The following CELF2 variants were observed in gnomAD, a reference collection of about 807,000 sequenced individuals.
CELF2 encodes the protein CUG triplet repeat RNA-binding protein 2.
In CELF2, 8 loss-of-function variants were observed where a neutral mutation model predicts 62.6. The observed-to-expected ratio is 0.13, with a 90% CI of 0.07 to 0.23. The LOEUF is 0.23. Among genes scored for constraint, CELF2 ranks in the 10% least tolerant of loss-of-function variants. The probability of loss-of-function intolerance (pLI) is 1.00; values close to 1 mark genes in which losing one functional copy is unlikely to be tolerated. For synonymous variants in CELF2, 258 were observed against 250.0 expected (o/e 1.03, Z -0.30); for missense variants, 333 against 671.0 (o/e 0.50, Z 5.56).
At chr10:11,313,134 G>A (rs547894405) in intron 9 of CELF2, among the ~76,000 whole-genome samples, 4 of 152,182 alleles carry the variant, frequency 2.6e-5, no homozygotes, top group East Asian at 3.9e-4. Flanking sequence ...CAAAACAGCC[G>A]GCTTTCTTAC....
At chr10:10,783,348 G>A in the CELF2 span, among the ~76,000 whole-genome samples, 1 of 152,166 alleles carries the variant, frequency 6.6e-6, no homozygotes, top group African/African-American at 2.4e-5. Flanking sequence ...GGAAGATACA[G>A]AGGGAAAGTA....
chr10:10,907,066 T>C (rs781673893), intron 1 of CELF2, among the ~76,000 whole-genome samples: 11 of 152,080 alleles, frequency 7.2e-5, no homozygotes, highest in Non-Finnish European at 1.3e-4. Context: ...GAAAACATAC[T>C]CTACAAATAT....
intron 2 of CELF2, among the ~76,000 whole-genome samples, chr10:11,173,173 T>C (rs914266079): frequency 1.3e-5 from 2 of 152,194 alleles, no homozygotes; most frequent in African/African-American, 4.8e-5. Context: ...CACCCAGTTG[T>C]ACCACTCTGG....
the CELF2 span, among the ~76,000 whole-genome samples, chr10:10,693,371 T>C: frequency 7.2e-6 from 1 of 138,348 alleles, no homozygotes; most frequent in African/African-American, 2.7e-5. Flanking sequence ...CACTTGATCA[T>C]GGTGGATAAG....
In CELF2 at chr10:10,995,305, A is replaced by G. The variant is rs1431920498; in HGVS notation, c.89+75306A>G. ...TGGGACCATATTATGACATCTTTGTATCTCCTTTTCTCCTGAGATGATGTC... is the reference window on the plus strand; with the variant it reads ...TGGGACCATATTATGACATCTTTGTGTCTCCTTTTCTCCTGAGATGATGTC... On this transcript the variant is annotated intron_variant, in intron 2 of 13. Coordinates refer to the CELF2 transcript ENST00000636488. The surrounding 1 kb of genome is among the most constrained non-coding windows in gnomAD (Gnocchi z 4.7). Among the ~76,000 whole-genome samples, 1 of 152,074 alleles carries G rather than the reference A, an allele frequency of 6.6e-6. No homozygotes were observed. The highest frequency in any genetic ancestry group is 6.6e-5 in the Admixed American group (1 of 15,262).
chr10:10,895,752 A>G (rs2062503853), intron 1 of CELF2, among the ~76,000 whole-genome samples: 1 of 152,212 alleles, frequency 6.6e-6, no homozygotes, highest in Non-Finnish European at 1.5e-5. Context: ...ATACATTTTT[A>G]ACATATATTA....
At chr10:10,705,680 A>G in the CELF2 span, among the ~76,000 whole-genome samples, 1 of 152,142 alleles carries the variant, frequency 6.6e-6, no homozygotes, top group Non-Finnish European at 1.5e-5. Flanking sequence ...CCTGTCACTG[A>G]GCTGCTAAAA....
intron 1 of CELF2, among the ~76,000 whole-genome samples, chr10:11,034,852 A>T (rs950373566): frequency 6.6e-6 from 1 of 152,202 alleles, no homozygotes; most frequent in African/African-American, 2.4e-5. Context: ...TCTTGAGAAC[A>T]AGTAGATGAG....
At chr10:11,150,528 ACTTTTGACAC>A (rs2063134778) in intron 1 of CELF2, among the ~76,000 whole-genome samples, 1 of 152,270 alleles carries the variant, frequency 6.6e-6, no homozygotes, top group East Asian at 1.9e-4. Context: ...TCTAAAAGAT[ACTTTTGACAC>A]CATTCAAAGT....
chr10:11,019,604 G>A (rs1288731506), intron 1 of CELF2, among the ~76,000 whole-genome samples: 2 of 152,074 alleles, frequency 1.3e-5, no homozygotes, highest in African/African-American at 2.4e-5. Flanking sequence ...AAAAAAAGGA[G>A]GGGGGTGGAG....
chr10:11,146,640 A>C (rs1420022967), intron 1 of CELF2, among the ~76,000 whole-genome samples: 2 of 152,202 alleles, frequency 1.3e-5, no homozygotes, highest in East Asian at 3.9e-4. Context: ...CCACACGCTC[A>C]TGTGCTCTGT....
chr10:11,009,205 G>A (rs769103107), intron 1 of CELF2, among the ~76,000 whole-genome samples: 23 of 152,090 alleles, frequency 1.5e-4, no homozygotes, highest in Admixed American at 5.2e-4. Context: ...GGGACAGGAC[G>A]TGGGAGGTTT....
At chr10:11,323,869 T>C (rs1183564996) in intron 11 of CELF2, among the ~76,000 whole-genome samples, 1 of 152,232 alleles carries the variant, frequency 6.6e-6, no homozygotes, top group East Asian at 1.9e-4. Context: ...TGTTTTTTCC[T>C]CTTCATCTCA....
At chr10:11,327,285 T>C (rs1327176482) in intron 12 of CELF2, among the ~76,000 whole-genome samples, 4 of 152,212 alleles carry the variant, frequency 2.6e-5, no homozygotes, top group Non-Finnish European at 5.9e-5. Context: ...TTTGTGTTTT[T>C]CGTAGCTAAA....
chr10:10,734,616 T>G, the CELF2 span, among the ~76,000 whole-genome samples: 16 of 152,184 alleles, frequency 1.1e-4, no homozygotes, highest in African/African-American at 3.9e-4. Context: ...CAAGCTTCCC[T>G]AGGCTAGAAC....
the CELF2 span, among the ~76,000 whole-genome samples, chr10:10,776,893 C>CA: frequency 6.6e-6 from 1 of 152,374 alleles, no homozygotes; most frequent in Admixed American, 6.5e-5. Flanking sequence ...CAATGACCTA[C>CA]AAAGGTCAAC....
At chr10:10,504,900 C>G in the CELF2 span, among the ~76,000 whole-genome samples, 1 of 152,132 alleles carries the variant, frequency 6.6e-6, no homozygotes, top group Non-Finnish European at 1.5e-5. Context: ...TATAACTTCT[C>G]TTTCCTTGCT....
chr10:11,236,136 C>T (rs529135430), intron 3 of CELF2, among the ~76,000 whole-genome samples: 5 of 152,334 alleles, frequency 3.3e-5, no homozygotes, highest in African/African-American at 1.2e-4. Context: ...ACTCAGGACT[C>T]ATAAACTAAG....
In CELF2 at chr10:10,957,821, G is replaced by A. The variant is rs1397946349; in HGVS notation, c.89+37822G>A. On this transcript the variant is annotated intron_variant, in intron 2 of 13. Coordinates refer to the CELF2 transcript ENST00000636488. The surrounding 1 kb of genome is among the most constrained non-coding windows in gnomAD (Gnocchi z 4.1). ...CGGTTTTCCCCATCTTCCTAATTGG[G>A]ATCACATTCTCTGCTAAGTCTTCTT... Among the ~76,000 whole-genome samples the A allele has an allele frequency of 6.6e-6, 1 of 152,130 alleles. No homozygotes were observed. The highest frequency in any genetic ancestry group is 1.9e-4 in the East Asian group (1 of 5,184).
Sources: gnomAD v4.1 joint callset for allele counts (sites outside exome capture counted in the v4.1 genomes callset) on GRCh38, gnomAD v4.1.1 for gene constraint, Gnocchi (gnomAD v3.1) non-coding constraint, MANE v1.5 for transcripts, NCBI Gene and HGNC (gene_info 2026-07-23, HGNC 2026-07-21) for gene names.